The following SFI1 variants were observed in gnomAD, a reference collection of about 807,000 sequenced individuals.
The protein encoded by SFI1 is protein SFI1 homolog.
In SFI1, 195 loss-of-function variants were observed where a neutral mutation model predicts 207.5. The observed-to-expected ratio is 0.94, with a 90% CI of 0.84 to 1.06. The LOEUF is 1.06. Ranked by LOEUF, SFI1 falls within the 50% of genes least tolerant of loss-of-function variation. SFI1 has a pLI of 0.00. For synonymous variants in SFI1, 630 were observed against 598.9 expected (o/e 1.05, Z -0.76); for missense variants, 1,634 against 1,588.0 (o/e 1.03, Z -0.49).
chr22:31,574,724 G>A (rs1423985884), intron 9 of SFI1, among the ~76,000 whole-genome samples: 2 of 152,120 alleles, frequency 1.3e-5, no homozygotes, highest in South Asian at 2.1e-4. Flanking sequence ...GAGAGGAGAT[G>A]TAGCTCAGGG....
intron 4 of SFI1, among the ~76,000 whole-genome samples, chr22:31,545,647 T>A (rs1372210983): frequency 2.0e-5 from 3 of 151,830 alleles, no homozygotes; most frequent in Non-Finnish European, 4.4e-5. Flanking sequence ...AGTGGCTCGA[T>A]CTCGGCTCAC....
rs186433981 is a variant in SFI1, at chr22:31,556,292, A to G, written c.545-650A>G. ...GGCTAGAGTGCAATGGCGTGATCTC[A>G]GCTCACTGCAACCTCTCCCTCCCAG... On this transcript the variant is annotated intron_variant, in intron 6 of 32. Coordinates refer to ENST00000400288, the MANE Select transcript of SFI1 (RefSeq NM_001007467.3). Among the ~76,000 whole-genome samples the G allele has an allele frequency of 5.4e-5, 8 of 148,270 alleles. No individual in the cohort carries two copies. In the East Asian group the frequency reaches 1.6e-3, roughly 29 times the overall value.
chr22:31,501,345 G>A (rs2053743263), intron 1 of SFI1, among the ~76,000 whole-genome samples: 1 of 151,498 alleles, frequency 6.6e-6, no homozygotes, highest in Admixed American at 6.6e-5. Flanking sequence ...CTAATTTTTT[G>A]TATTTTTAGT....
chr22:31,588,038 T>C (rs529467624), intron 14 of SFI1: 69 of 152,338 alleles, frequency 4.5e-4, no homozygotes, highest in African/African-American at 1.6e-3. Context: ...CTCAGTGGTA[T>C]AAGACAACAA....
chr22:31,507,241 A>C (rs1329555526), intron 1 of SFI1, among the ~76,000 whole-genome samples: 1 of 152,188 alleles, frequency 6.6e-6, no homozygotes, highest in Non-Finnish European at 1.5e-5. Flanking sequence ...ATGTGACCAA[A>C]ACCAGCAATG....
rs11347645 is a variant in SFI1, at chr22:31,580,542, CTTTTTTTT to C, written c.1248+191_1248+198del. ...GCATTTTCTTTCTTTCTTTTCTTTT[CTTTTTTTT>C]TTTTTTTTTTTTGAGACAGTCTTTC... is the stretch of plus-strand genomic sequence containing the variant. On this transcript the variant is annotated intron_variant, in intron 12 of 32. Coordinates refer to ENST00000400288, the MANE Select transcript of SFI1 (RefSeq NM_001007467.3). Among the ~76,000 whole-genome samples, 453 of 117,294 alleles carry C rather than the reference CTTTTTTTT, an allele frequency of 3.9e-3. 2 individuals are homozygous for C. The highest frequency in any genetic ancestry group is 0.014 in the African/African-American group (441 of 31,626). The allele number at this position is 117,294 out of a possible 152,430, so 76.9% of individuals were successfully genotyped here.
At chr22:31,530,932 C>A in intron 3 of SFI1, 126 bp from the exon 4 acceptor site, 1 of 692,556 alleles carries the variant, frequency 1.4e-6, no homozygotes, top group South Asian at 1.8e-5. Flanking sequence ...GCTATGATAC[C>A]GCCTTTTGAT....
chr22:31,615,115 T>C lies in SFI1; in HGVS notation c.3136T>C (p.Phe1046Leu), dbSNP rs1310360926. The C allele has an allele frequency of 1.2e-6, 2 of 1,607,906 alleles. No individual in the cohort carries two copies. Among genetic ancestry groups the C allele is most frequent in the Non-Finnish European group, 1.7e-6 (2 of 1,177,392 alleles). ...QPAAPSLTRP[F>L]LAEAPTALVP... ...AGCAGCCCCCTCCCTGACGCGGCCC[T>C]TCCTGGCAGAGGCCCCGACAGCACT... The change falls in exon 29 of 33, where the codon TTC becomes CTC. Residue 1046 changes from phenylalanine (F) to leucine (L), a missense_variant. By Grantham distance (22) the Phe-to-Leu change is conservative. Transcript: ENST00000400288.
At chr22:31,584,016 C>T (rs935041410) in intron 13 of SFI1, 44 bp downstream of exon 13, 1 of 1,499,684 alleles carries the variant, frequency 6.7e-7, no homozygotes, top group African/African-American at 1.4e-5. Flanking sequence ...GACTTTGTGC[C>T]TCTGACTTAC....
At chr22:31,580,732 GA>G (rs1251527362) in intron 12 of SFI1, among the ~76,000 whole-genome samples, 5 of 151,756 alleles carry the variant, frequency 3.3e-5, no homozygotes, top group African/African-American at 2.4e-5. Context: ...TAGTAGAGAC[GA>G]GGTTTCACCA....
intron 2 of SFI1, among the ~76,000 whole-genome samples, chr22:31,524,441 G>C (rs1358285112): frequency 4.3e-5 from 6 of 138,116 alleles, no homozygotes; most frequent in East Asian, 2.1e-4. Flanking sequence ...TTTTTTTTTT[G>C]AGACAGGGTC....
At chr22:31,609,958 G>A (rs928493946) in intron 22 of SFI1, among the ~76,000 whole-genome samples, 6 of 152,214 alleles carry the variant, frequency 3.9e-5, no homozygotes, top group South Asian at 2.1e-4. Flanking sequence ...GAGTGTTGCC[G>A]GAAGCCGCTG....
chr22:31,505,458 G>GAAAA (rs2054485719), intron 1 of SFI1, among the ~76,000 whole-genome samples: 1 of 94,746 alleles, frequency 1.1e-5, no homozygotes, highest in Non-Finnish European at 2.8e-5. Context: ...AAAAGAAAAA[G>GAAAA]AAAAAATGAA....
At chr22:31,576,621 C>T (rs1406446466) in intron 10 of SFI1, among the ~76,000 whole-genome samples, 1 of 151,428 alleles carries the variant, frequency 6.6e-6, no homozygotes, top group Non-Finnish European at 1.5e-5. Flanking sequence ...GCGTCCAGCT[C>T]TATGTATAAA....
At chr22:31,506,362 T>TA (rs1185163774) in intron 1 of SFI1, among the ~76,000 whole-genome samples, 6 of 151,644 alleles carry the variant, frequency 4.0e-5, no homozygotes, top group Non-Finnish European at 7.4e-5. Flanking sequence ...ATTCTGTCTT[T>TA]AAAAAAAAGA....
At chr22:31,574,027 T>G (rs1488226749) in intron 9 of SFI1, among the ~76,000 whole-genome samples, 1 of 152,234 alleles carries the variant, frequency 6.6e-6, no homozygotes, top group Non-Finnish European at 1.5e-5. Flanking sequence ...GATGTTGAGT[T>G]TTTTGGATAC....
At chr22:31,598,982 C>T (rs1225121644) in intron 15 of SFI1, among the ~76,000 whole-genome samples, 6 of 149,268 alleles carry the variant, frequency 4.0e-5, no homozygotes, top group East Asian at 2.0e-4. Flanking sequence ...TTAGTAGAGA[C>T]GGGGTTTCAC....
intron 15 of SFI1, among the ~76,000 whole-genome samples, chr22:31,600,168 A>T (rs1409755107): frequency 6.6e-6 from 1 of 152,200 alleles, no homozygotes; most frequent in African/African-American, 2.4e-5. Context: ...GATTACAGGC[A>T]TGAGCCACCA....
At chr22:31,615,568 C>T in intron 29 of SFI1, 1 of 346,178 alleles carries the variant, frequency 2.9e-6, no homozygotes, top group Non-Finnish European at 5.2e-6. Context: ...TAGGGTCCTG[C>T]AGGCCACAGT....
Sources: allele counts gnomAD v4.1 joint callset (sites outside exome capture counted in the v4.1 genomes callset), GRCh38; gene constraint gnomAD v4.1.1; transcripts MANE v1.5; gene names NCBI Gene and HGNC (gene_info 2026-07-23, HGNC 2026-07-21).